CNTNAP2: variants seen among roughly 807,000 people sequenced by gnomAD.
CNTNAP2 encodes contactin associated protein 2, also known as contactin-associated protein-like 2.
A neutral mutation model predicts 155.2 loss-of-function variants in CNTNAP2; 98 were observed. The ratio of observed to expected loss-of-function variants is 0.63; its 90% confidence interval spans 0.54 to 0.75. The LOEUF (loss-of-function observed/expected upper bound fraction) is 0.75. Among genes scored for constraint, CNTNAP2 ranks in the 30% least tolerant of loss-of-function variants. The pLI, the probability that CNTNAP2 is intolerant of heterozygous loss-of-function variation, is 0.00. For synonymous variants in CNTNAP2, 651 were observed against 631.2 expected (o/e 1.03, Z -0.47); for missense variants, 1,727 against 1,688.1 (o/e 1.02, Z -0.40).
At chr7:147,664,032 A>G (rs1178238191) in intron 13 of CNTNAP2, among the ~76,000 whole-genome samples, 1 of 152,258 alleles carries the variant, frequency 6.6e-6, no homozygotes, top group African/African-American at 2.4e-5. Context: ...ACCACAAGAC[A>G]TTAACAGAGT....
At chr7:147,738,831 T>G (rs1340194595) in intron 13 of CNTNAP2, among the ~76,000 whole-genome samples, 2 of 151,964 alleles carry the variant, frequency 1.3e-5, no homozygotes, top group South Asian at 2.1e-4. Context: ...ATTTTTGTAT[T>G]TTTAGTACAG....
chr7:146,746,366 A>C (rs766834814), intron 1 of CNTNAP2, among the ~76,000 whole-genome samples: 6 of 152,216 alleles, frequency 3.9e-5, no homozygotes, highest in Admixed American at 1.3e-4. Flanking sequence ...ATTTTAAATG[A>C]AATAATTGAG....
chr7:147,784,989 C>A (rs996036610), intron 13 of CNTNAP2, among the ~76,000 whole-genome samples: 1 of 152,102 alleles, frequency 6.6e-6, no homozygotes, highest in African/African-American at 2.4e-5. Flanking sequence ...ACACTGGATA[C>A]AGACCAGTTT....
intron 15 of CNTNAP2, among the ~76,000 whole-genome samples, chr7:148,019,333 C>T (rs1802236976): frequency 6.6e-6 from 1 of 152,196 alleles, no homozygotes; most frequent in Non-Finnish European, 1.5e-5. Flanking sequence ...GTCCTTCCAA[C>T]AGGCCTGAAA....
At chr7:146,769,184 A>G (rs1400571663) in intron 1 of CNTNAP2, among the ~76,000 whole-genome samples, 1 of 152,232 alleles carries the variant, frequency 6.6e-6, no homozygotes, top group African/African-American at 2.4e-5. Context: ...TGGAGACCAA[A>G]TATTTGCCAT....
chr7:147,883,440 G>C (rs1355965339), intron 13 of CNTNAP2, among the ~76,000 whole-genome samples: 1 of 152,140 alleles, frequency 6.6e-6, no homozygotes, highest in East Asian at 1.9e-4. Context: ...ATGACACAAG[G>C]AATACAAATA....
chr7:146,871,537 A>ATAAATAAATAAAT lies in CNTNAP2; in HGVS notation c.402+31651_402+31663dup, dbSNP rs1370721548. Among the ~76,000 whole-genome samples, 567 of 151,970 alleles carry ATAAATAAATAAAT rather than the reference A, an allele frequency of 3.7e-3. 5 individuals are homozygous for ATAAATAAATAAAT. Among genetic ancestry groups the ATAAATAAATAAAT allele is most frequent in the African/African-American group, 0.013 (538 of 41,484 alleles). On this transcript the variant is annotated intron_variant, in intron 3 of 23. Transcript: ENST00000361727. ...TGAGCAAGGCTCCGTCTAAAAAAAA[A>ATAAATAAATAAAT]TAAATAAATAAATTAAATAAATAAA...
At chr7:148,364,189 A>G (rs192781592) in intron 21 of CNTNAP2, among the ~76,000 whole-genome samples, 146 of 152,336 alleles carry the variant, frequency 9.6e-4, no homozygotes, top group Non-Finnish European at 1.7e-3. Context: ...GGGCTGAGGA[A>G]TGTGAGCGCA....
At chr7:146,692,019 T>G (rs550136480) in intron 1 of CNTNAP2, among the ~76,000 whole-genome samples, 1 of 152,106 alleles carries the variant, frequency 6.6e-6, no homozygotes, top group African/African-American at 2.4e-5. Flanking sequence ...CTAGAACTGC[T>G]AGCTTTAAAA....
intron 18 of CNTNAP2, among the ~76,000 whole-genome samples, chr7:148,184,553 GTGA>G (rs1403722551): frequency 1.2e-4 from 19 of 152,318 alleles, no homozygotes; most frequent in African/African-American, 4.6e-4. Flanking sequence ...TAGCCCTTAT[GTGA>G]ATCATTTCTC....
chr7:148,062,082 C>T (rs1803168194), intron 15 of CNTNAP2, among the ~76,000 whole-genome samples: 1 of 133,382 alleles, frequency 7.5e-6, no homozygotes, highest in African/African-American at 2.9e-5. Context: ...TGTGTTTAGT[C>T]CATGGCAGTG....
intron 1 of CNTNAP2, among the ~76,000 whole-genome samples, chr7:146,147,333 G>C (rs1797971737): frequency 6.6e-6 from 1 of 152,094 alleles, no homozygotes; most frequent in African/African-American, 2.4e-5. Context: ...TTGGAGCCAC[G>C]CTGCACTACA....
intron 1 of CNTNAP2, among the ~76,000 whole-genome samples, chr7:146,273,579 C>T (rs974507929): frequency 6.6e-6 from 1 of 152,136 alleles, no homozygotes; most frequent in Non-Finnish European, 1.5e-5. Flanking sequence ...GTGCTAACTT[C>T]TGGTCTGAAA....
At chr7:146,666,333 G>C (rs1385525137) in intron 1 of CNTNAP2, among the ~76,000 whole-genome samples, 1 of 152,076 alleles carries the variant, frequency 6.6e-6, no homozygotes, top group African/African-American at 2.4e-5. Context: ...GAATTTCACT[G>C]TTTGTTTATG....
intron 14 of CNTNAP2, among the ~76,000 whole-genome samples, chr7:147,970,526 T>G (rs916225700): frequency 1.3e-5 from 2 of 151,786 alleles, no homozygotes; most frequent in Non-Finnish European, 1.5e-5. Context: ...GAGTTCAAGA[T>G]CAACCTGGCC....
chr7:146,631,404 A>T (rs2129158798), intron 1 of CNTNAP2, among the ~76,000 whole-genome samples: 1 of 152,260 alleles, frequency 6.6e-6, no homozygotes, highest in South Asian at 2.1e-4. Context: ...ATGTCTGGGC[A>T]CCTGTTATTA....
chr7:148,277,057 C>G (rs1796881568), intron 21 of CNTNAP2, among the ~76,000 whole-genome samples: 1 of 152,174 alleles, frequency 6.6e-6, no homozygotes, highest in Admixed American at 6.5e-5. Context: ...TCTCGAAGAG[C>G]CTTTCCCGTC....
At chr7:147,289,437 T>C (rs1405641522) in intron 8 of CNTNAP2, among the ~76,000 whole-genome samples, 1 of 135,212 alleles carries the variant, frequency 7.4e-6, no homozygotes, top group Non-Finnish European at 1.6e-5. Context: ...TTGGGGAGAG[T>C]GAGAAATAAA....
intron 1 of CNTNAP2, among the ~76,000 whole-genome samples, chr7:146,397,866 A>G (rs538979967): frequency 7.1e-6 from 1 of 140,174 alleles, no homozygotes; most frequent in South Asian, 2.2e-4. Context: ...CCAAAATTTG[A>G]CAGGCTTTTA....
Sources: allele counts gnomAD v4.1 joint callset (sites outside exome capture counted in the v4.1 genomes callset), GRCh38; gene constraint gnomAD v4.1.1; transcripts MANE v1.5; gene names NCBI Gene and HGNC (gene_info 2026-07-23, HGNC 2026-07-21).